NDUFC1: variants seen among roughly 807,000 people sequenced by gnomAD.
NDUFC1 encodes the protein NADH dehydrogenase [ubiquinone] 1 subunit C1, mitochondrial.
NDUFC1 carries 11 observed loss-of-function variants against 11.6 expected under a neutral mutation model. The ratio of observed to expected loss-of-function variants is 0.95; its 90% CI spans 0.60 to 1.58. NDUFC1 has a LOEUF of 1.58. Ranked by LOEUF, NDUFC1 falls within the 40% of genes most tolerant of loss-of-function variation. NDUFC1 has a pLI of 0.00. For missense variants in NDUFC1, 112 were observed against 93.0 expected (o/e 1.20, Z -0.84); for synonymous variants, 52 against 42.2 (o/e 1.23, Z -0.90).
At chr4:139,299,004 C>T (rs989223391) in intron 1 of NDUFC1, among the ~76,000 whole-genome samples, 1 of 151,612 alleles carries the variant, frequency 6.6e-6, no homozygotes, top group Non-Finnish European at 1.5e-5. Context: ...TAGTCTCACT[C>T]TGTTGTCCAG....
chr4:139,297,813 T>C (rs1209352921), intron 1 of NDUFC1, among the ~76,000 whole-genome samples: 2 of 152,208 alleles, frequency 1.3e-5, no homozygotes, highest in African/African-American at 4.8e-5. Context: ...CCTCTAATCC[T>C]AGCACTTTGT....
chr4:139,296,696 C>T (rs749054459), intron 2 of NDUFC1, among the ~76,000 whole-genome samples: 4 of 152,176 alleles, frequency 2.6e-5, no homozygotes, highest in Non-Finnish European at 4.4e-5. Context: ...TTAAAGACAT[C>T]GTTCTGAGGA....
At chr4:139,292,412 T>C (rs1376183590) in intron 5 of NDUFC1, 118 bp downstream of exon 5, 5 of 393,768 alleles carry the variant, frequency 1.3e-5, no homozygotes, top group African/African-American at 2.1e-5. Context: ...GACAGAAATA[T>C]GGGTGCTAAA....
At chr4:139,300,478 G>C (rs903448616) in intron 1 of NDUFC1, 3 of 152,188 alleles carry the variant, frequency 2.0e-5, no homozygotes, top group Non-Finnish European at 2.9e-5. Flanking sequence ...AGTGAAATCA[G>C]GATTTGGAAA....
intron 1 of NDUFC1, chr4:139,301,949 G>A: frequency 8.9e-7 from 1 of 1,123,506 alleles, no homozygotes; most frequent in South Asian, 1.5e-5. Flanking sequence ...CGCCTTCATA[G>A]CTCTCGTCAG....
chr4:139,292,316 AAAC>A (rs1745258749), intron 5 of NDUFC1, among the ~76,000 whole-genome samples: 1 of 152,128 alleles, frequency 6.6e-6, no homozygotes, highest in East Asian at 1.9e-4. Context: ...ACAAACAAAC[AAAC>A]AACAAACAAA....
At chr4:139,298,045 G>A (rs1045734011) in intron 1 of NDUFC1, among the ~76,000 whole-genome samples, 18 of 151,764 alleles carry the variant, frequency 1.2e-4, no homozygotes, top group African/African-American at 3.9e-4. Flanking sequence ...CTCCAGCCTC[G>A]GTGACACAGT....
chr4:139,301,708 A>AGCG, intron 1 of NDUFC1: 1 of 1,509,772 alleles, frequency 6.6e-7, no homozygotes, highest in African/African-American at 1.4e-5. Context: ...ACGGAACGGC[A>AGCG]GCGGCGGCGG....
At chr4:139,291,878 C>G (rs1265066280) in intron 5 of NDUFC1, among the ~76,000 whole-genome samples, 3 of 151,616 alleles carry the variant, frequency 2.0e-5, no homozygotes, top group African/African-American at 4.8e-5. Flanking sequence ...ACTCTGTCAC[C>G]CAGGCTGGAG....
intron 4 of NDUFC1, among the ~76,000 whole-genome samples, chr4:139,293,119 C>T (rs1202356701): frequency 6.6e-6 from 1 of 152,006 alleles, no homozygotes; most frequent in Non-Finnish European, 1.5e-5. Context: ...CGCACCTGGC[C>T]AAAAATTTAA....
chr4:139,300,195 T>G (rs1745651097), intron 1 of NDUFC1, among the ~76,000 whole-genome samples: 1 of 152,216 alleles, frequency 6.6e-6, no homozygotes, highest in Non-Finnish European at 1.5e-5. Flanking sequence ...TATATATGAT[T>G]TTTCTCAAAC....
At chr4:139,290,758 T>C (rs575280448) in intron 5 of NDUFC1, among the ~76,000 whole-genome samples, 112 of 152,076 alleles carry the variant, frequency 7.4e-4, no homozygotes, top group Non-Finnish European at 1.5e-3. Flanking sequence ...GGTATACTTA[T>C]ATATATTTGA....
intron 1 of NDUFC1, chr4:139,301,606 C>A: frequency 1.5e-6 from 1 of 670,382 alleles, no homozygotes; most frequent in Non-Finnish European, 2.5e-6. Flanking sequence ...AAAAAGACAA[C>A]GAGGAAAAAG....
chr4:139,292,948 A>G (rs1560939003), intron 4 of NDUFC1, among the ~76,000 whole-genome samples: 1 of 151,782 alleles, frequency 6.6e-6, no homozygotes, highest in Admixed American at 6.6e-5. Context: ...AACCTCCTGA[A>G]TAGCTGGGAT....
intron 2 of NDUFC1, among the ~76,000 whole-genome samples, chr4:139,297,122 T>C (rs1745504890): frequency 1.3e-5 from 2 of 152,206 alleles, no homozygotes; most frequent in South Asian, 2.1e-4. Context: ...TCGCCACTTA[T>C]TGTCCACTCA....
chr4:139,290,999 A>ACAACG (rs1745187435), intron 5 of NDUFC1, among the ~76,000 whole-genome samples: 1 of 151,308 alleles, frequency 6.6e-6, no homozygotes. Flanking sequence ...TTTAGTACTG[A>ACAACG]TGGGGTTTCG....
At chr4:139,297,276 A>G (rs1414670105) in intron 2 of NDUFC1, 109 bp downstream of exon 2, 1 of 152,204 alleles carries the variant, frequency 6.6e-6, no homozygotes, top group African/African-American at 2.4e-5. Flanking sequence ...TAATTTCAGT[A>G]CTGCTATTGA....
At chr4:139,295,282 G>A in intron 3 of NDUFC1, 136 bp from the exon 4 acceptor site, 1 of 691,336 alleles carries the variant, frequency 1.4e-6, no homozygotes, top group Non-Finnish European at 2.5e-6. Context: ...CAAGGAAATA[G>A]AGGTTCAAAG....
chr4:139,295,716 C>T lies in NDUFC1; in HGVS notation c.67+16G>A. 2 of 1,540,128 alleles carry T rather than the reference C, an allele frequency of 1.3e-6. No individual in the cohort carries two copies. Among genetic ancestry groups the T allele is most frequent in the South Asian group, 1.2e-5 (1 of 83,562 alleles). ...AATCTGAGGGTCGAGTCGGCCTGCA[C>T]GAGGAGGATACTCACGGCCGCTCGG... On this transcript the variant is annotated intron_variant, in intron 3 of 5. Transcript: ENST00000394223.
Sources: allele counts gnomAD v4.1 joint callset (sites outside exome capture counted in the v4.1 genomes callset), GRCh38; gene constraint gnomAD v4.1.1; transcripts MANE v1.5; gene names NCBI Gene and HGNC (gene_info 2026-07-23, HGNC 2026-07-21).